Variants in USP34 observed in about 807,000 individuals in gnomAD.
USP34 encodes the protein ubiquitin specific peptidase 34, also known as ubiquitin carboxyl-terminal hydrolase 34.
USP34 carries 70 observed loss-of-function variants against 460.3 expected under a neutral mutation model. That is an observed-to-expected ratio of 0.15 (90% CI 0.13 to 0.19). The LOEUF (loss-of-function observed/expected upper bound fraction) is 0.19. USP34 is among the 10% of genes least tolerant of loss of function. USP34 has a pLI of 1.00. For synonymous variants in USP34, 1,647 were observed against 1,405.3 expected (o/e 1.17, Z -3.85); for missense variants, 3,985 against 4,236.2 (o/e 0.94, Z 1.65).
intron 67 of USP34, among the ~76,000 whole-genome samples, chr2:61,216,098 T>C (rs1296936461): frequency 6.6e-6 from 1 of 152,248 alleles, no homozygotes; most frequent in Non-Finnish European, 1.5e-5. Flanking sequence ...TTAATTTTAG[T>C]TTATTTTACA....
chr2:61,219,688 A>T (rs1316026938), intron 67 of USP34, among the ~76,000 whole-genome samples: 2 of 151,868 alleles, frequency 1.3e-5, no homozygotes, highest in Non-Finnish European at 1.5e-5. Context: ...AAAAAAAAAA[A>T]TTCAACATCT....
At chr2:61,376,786 C>A (rs1692811373) in intron 8 of USP34, among the ~76,000 whole-genome samples, 1 of 152,100 alleles carries the variant, frequency 6.6e-6, no homozygotes, top group Non-Finnish European at 1.5e-5. Context: ...TAGCTGGAAT[C>A]ACAGGCATGC....
chr2:61,210,650 A>C (rs1029574963), intron 69 of USP34, among the ~76,000 whole-genome samples: 7 of 152,230 alleles, frequency 4.6e-5, no homozygotes, highest in African/African-American at 1.7e-4. Flanking sequence ...ATGTTGTTAT[A>C]GACTACAACT....
Position 61,241,765 on chromosome 2 carries a change from C to A in USP34, c.6681+1G>T. The A allele has an allele frequency of 6.6e-7, 1 of 1,525,654 alleles. No homozygotes were observed. 94.5% of individuals were successfully genotyped at this position (1,525,654 alleles called of 1,614,324 possible). A position where few individuals can be genotyped will look rare whatever the true frequency, so the allele number is the denominator to read the frequency against. On this transcript the variant is annotated splice_donor_variant, in intron 52 of 79. Transcript: ENST00000398571. LOFTEE classifies it high-confidence loss of function. The stretch of plus-strand genomic sequence containing the variant: ...AAATTATACATGAAAAAAATGGTTA[C>A]CTTTTCAAAAGAGAAGTCCATAAAT...
intron 23 of USP34, 111 bp downstream of exon 23, chr2:61,317,543 C>T: frequency 1.1e-6 from 1 of 890,150 alleles, no homozygotes; most frequent in Non-Finnish European, 1.7e-6. Flanking sequence ...AACCCAACTG[C>T]ACTGCACAGG....
intron 8 of USP34, among the ~76,000 whole-genome samples, chr2:61,377,594 C>A (rs184100108): frequency 1.3e-5 from 2 of 151,826 alleles, no homozygotes; most frequent in African/African-American, 4.8e-5. Flanking sequence ...TTCCACCATG[C>A]GAAAATAAAA....
intron 10 of USP34, among the ~76,000 whole-genome samples, chr2:61,359,060 A>G (rs572186006): frequency 1.3e-5 from 2 of 152,354 alleles, no homozygotes; most frequent in Non-Finnish European, 2.9e-5. Context: ...AGTCAATGCA[A>G]TATCTATTCT....
At chr2:61,286,654 C>CAA (rs199528159) in intron 34 of USP34, among the ~76,000 whole-genome samples, 3 of 149,580 alleles carry the variant, frequency 2.0e-5, no homozygotes, top group East Asian at 2.0e-4. Context: ...GGCTCCGTCT[C>CAA]AAAAAAAAAC....
At chr2:61,270,302 AC>A (rs1689174046) in intron 41 of USP34, among the ~76,000 whole-genome samples, 1 of 152,176 alleles carries the variant, frequency 6.6e-6, no homozygotes, top group South Asian at 2.1e-4. Flanking sequence ...GTAGGCCTTC[AC>A]AAGACTCCGT....
chr2:61,349,442 G>A (rs1412361687), intron 12 of USP34, among the ~76,000 whole-genome samples, 157 bp from the exon 13 acceptor site: 2 of 152,162 alleles, frequency 1.3e-5, no homozygotes, highest in Non-Finnish European at 2.9e-5. Flanking sequence ...TGTTGGGGGT[G>A]CCTGCACAGA....
chr2:61,261,685 T>C (rs1003700192), intron 43 of USP34, among the ~76,000 whole-genome samples: 4 of 152,310 alleles, frequency 2.6e-5, no homozygotes, highest in Non-Finnish European at 2.9e-5. Flanking sequence ...AATTAGAATA[T>C]ATGTAGCTTT....
At chr2:61,370,190 A>G (rs1461913307) in intron 10 of USP34, 131 bp downstream of exon 10, 2 of 871,398 alleles carry the variant, frequency 2.3e-6, no homozygotes, top group Non-Finnish European at 3.5e-6. Context: ...CGGAAGCCAG[A>G]TTTCAGTCCC....
At chr2:61,279,506 C>T (rs1400206086) in intron 39 of USP34, among the ~76,000 whole-genome samples, 16 of 152,118 alleles carry the variant, frequency 1.1e-4, no homozygotes, top group Admixed American at 1.0e-3. Flanking sequence ...ACTCTGTCGC[C>T]AGGCTAGAGT....
intron 1 of USP34, among the ~76,000 whole-genome samples, chr2:61,469,080 A>G (rs894013960): frequency 6.6e-6 from 1 of 152,032 alleles, no homozygotes; most frequent in Non-Finnish European, 1.5e-5. Context: ...GGTGTGGGGA[A>G]CCTACATTTC....
intron 15 of USP34, among the ~76,000 whole-genome samples, chr2:61,347,143 G>GA (rs1371451909): frequency 6.6e-6 from 1 of 150,902 alleles, no homozygotes; most frequent in Non-Finnish European, 1.5e-5. Flanking sequence ...CTGTCTCAAA[G>GA]AAAAAAAGAA....
Position 61,223,106 on chromosome 2 carries a change from T to C in USP34, c.7703A>G (p.Asn2568Ser), listed in dbSNP as rs1419511484. Residue 2568 changes from asparagine (N) to serine (S), a missense_variant, in exon 64 of 80, where the codon AAT (asparagine) becomes AGT (serine). Around this residue, in one of 14 missense-constraint regions of USP34, gnomAD observed 604 missense variants for 684.8 expected, o/e 0.88. Transcript: ENST00000398571. ...RDGINIRQTC[N>S]LIFSLCRYNN... is the part of the protein sequence containing the mutation. ...GTATCGACACAGGCTGAAAATCAGA[T>C]TACAAGTTTGTCTTATATTGATGCC... The C allele has an allele frequency of 1.3e-5, 21 of 1,614,012 alleles. No homozygotes were observed. The highest frequency in any genetic ancestry group is 1.8e-5 in the Non-Finnish European group (21 of 1,179,972).
At chr2:61,278,858 A>C (rs991354739) in intron 39 of USP34, among the ~76,000 whole-genome samples, 5 of 152,180 alleles carry the variant, frequency 3.3e-5, no homozygotes, top group African/African-American at 1.2e-4. Flanking sequence ...TAATTCACAC[A>C]CAATTCACCG....
At chr2:61,253,393 T>C (rs1192162195) in intron 48 of USP34, among the ~76,000 whole-genome samples, 1 of 152,206 alleles carries the variant, frequency 6.6e-6, no homozygotes, top group Non-Finnish European at 1.5e-5. Context: ...AGTTAACTTT[T>C]GACTGACTCC....
chr2:61,243,131 C>A (rs1688319864), intron 51 of USP34, among the ~76,000 whole-genome samples: 1 of 151,734 alleles, frequency 6.6e-6, no homozygotes, highest in East Asian at 1.9e-4. Context: ...CAGGCCTGAG[C>A]CACCATGCCC....
Sources: gnomAD v4.1 joint callset for allele counts (sites outside exome capture counted in the v4.1 genomes callset) on GRCh38, gnomAD v4.1.1 for gene constraint, gnomAD v4.1.1 regional missense constraint, MANE v1.5 for transcripts, NCBI Gene and HGNC (gene_info 2026-07-23, HGNC 2026-07-21) for gene names.